THRB: variants seen among roughly 807,000 people sequenced by gnomAD.
THRB encodes the protein thyroid hormone receptor beta, also known as nuclear receptor subfamily 1 group A member 2.
A neutral mutation model predicts 47.8 loss-of-function variants in THRB; 12 were observed. The observed-to-expected ratio is 0.25, with a 90% confidence interval of 0.16 to 0.41. THRB has a LOEUF of 0.41. THRB is among the 10% of genes least tolerant of loss of function. The probability of loss-of-function intolerance (pLI) is 1.00; values close to 1 mark genes in which losing one functional copy is unlikely to be tolerated. For missense variants in THRB, 348 were observed against 589.2 expected (o/e 0.59, Z 4.24); for synonymous variants, 218 against 212.2 (o/e 1.03, Z -0.24).
chr3:24,468,676 G>A (rs1207932537), intron 1 of THRB, among the ~76,000 whole-genome samples: 3 of 152,152 alleles, frequency 2.0e-5, no homozygotes, highest in Non-Finnish European at 4.4e-5. Context: ...TTGTATGGGT[G>A]TCGTTTGTAC....
chr3:24,279,476 C>A (rs1274298047), intron 3 of THRB, among the ~76,000 whole-genome samples: 1 of 152,048 alleles, frequency 6.6e-6, no homozygotes, highest in Non-Finnish European at 1.5e-5. Context: ...GCTCCACCTC[C>A]CGGGTTCACG....
intron 1 of THRB, among the ~76,000 whole-genome samples, chr3:24,441,466 T>C (rs1012810027): frequency 5.3e-5 from 8 of 152,200 alleles, no homozygotes; most frequent in Non-Finnish European, 4.4e-5. Context: ...AGTTTGAATA[T>C]TATTCTGAAA....
In THRB at chr3:24,288,505, G is replaced by T. The variant is rs11915939; in HGVS notation, c.-43+8721C>A. 8.8e-3 allele frequency among the ~76,000 whole-genome samples: 1,335 copies of T among 151,910 alleles called. 16 individuals are homozygous for T. Among genetic ancestry groups the T allele is most frequent in the African/African-American group, 0.03 (1,227 of 41,406 alleles). On this transcript the variant is annotated intron_variant, in intron 3 of 10. Coordinates refer to ENST00000646209, the MANE Select transcript of THRB (RefSeq NM_001354712.2). ...TTTTTTAACCCCTTGTTATTTTTTG[G>T]CTGAGGCTGTCCTCCATTAATAGAT...
At chr3:24,357,777 T>C (rs1347091188) in intron 1 of THRB, among the ~76,000 whole-genome samples, 7 of 152,170 alleles carry the variant, frequency 4.6e-5, no homozygotes, top group Non-Finnish European at 8.8e-5. Flanking sequence ...TTGTACGCTG[T>C]TCTTTGAGAT....
At chr3:24,221,562 T>C (rs550421408) in intron 4 of THRB, among the ~76,000 whole-genome samples, 2 of 152,102 alleles carry the variant, frequency 1.3e-5, no homozygotes, top group East Asian at 1.9e-4. Flanking sequence ...ATGATTGTGG[T>C]TGGGGTATGA....
At chr3:24,476,017 A>G (rs975875307) in intron 1 of THRB, among the ~76,000 whole-genome samples, 2 of 152,274 alleles carry the variant, frequency 1.3e-5, no homozygotes, top group Non-Finnish European at 1.5e-5. Flanking sequence ...TGGGAAGCTC[A>G]GAAGAAGCTG....
chr3:24,319,105 A>T lies in THRB; in HGVS notation c.-189+18195T>A, dbSNP rs541397700. 3.9e-5 allele frequency among the ~76,000 whole-genome samples: 6 copies of T among 152,372 alleles called. No individual in the cohort carries two copies. In the South Asian group the frequency reaches 1.0e-3, roughly 26 times the overall value. On this transcript the variant is annotated intron_variant, in intron 2 of 10. Transcript: ENST00000646209. ...ACTAAAATTTAAAAAGACTAACATT[A>T]TCAAGTATTGTAGAAGATATGGAGC...
At chr3:24,263,548 T>C (rs1261673973) in intron 3 of THRB, among the ~76,000 whole-genome samples, 1 of 151,864 alleles carries the variant, frequency 6.6e-6, no homozygotes, top group African/African-American at 2.4e-5. Flanking sequence ...CAATTATTTT[T>C]GGAGATTATA....
At chr3:24,397,866 T>C (rs2067093605) in intron 1 of THRB, among the ~76,000 whole-genome samples, 1 of 152,046 alleles carries the variant, frequency 6.6e-6, no homozygotes, top group Non-Finnish European at 1.5e-5. Context: ...GGAGCTCATC[T>C]GGTCAGAACA....
chr3:24,434,934 T>C (rs1322811118), intron 1 of THRB, among the ~76,000 whole-genome samples: 1 of 152,158 alleles, frequency 6.6e-6, no homozygotes, highest in Non-Finnish European at 1.5e-5. Flanking sequence ...CATTCAGCAA[T>C]TAAAGAGACA....
rs186441874 is a variant in THRB, at chr3:24,396,864, G to A, written c.-260-59493C>T. Among the ~76,000 whole-genome samples the A allele has an allele frequency of 1.2e-3, 190 of 152,214 alleles. 1 individual carries two copies. The highest frequency in any genetic ancestry group is 7.7e-3 in the Admixed American group (117 of 15,266). On this transcript the variant is annotated intron_variant, in intron 1 of 10. Coordinates refer to ENST00000646209, the MANE Select transcript of THRB (RefSeq NM_001354712.2). Reference sequence around the variant, plus strand: ...GAAAATGCAATGCATTGGATACAACGAAAGTGGAAGCTGTGTCTAGTGCTT... The same window carrying A: ...GAAAATGCAATGCATTGGATACAACAAAAGTGGAAGCTGTGTCTAGTGCTT...
At position 24,120,915 on chromosome 3, in the gene THRB, T is replaced by TTAA. The variant is rs1163568082; in HGVS notation, c.*1966_*1968dup. 1 of 152,244 alleles carries TTAA rather than the reference T, an allele frequency of 6.6e-6. No individual in the cohort carries two copies. The highest frequency in any genetic ancestry group is 1.9e-4 in the East Asian group (1 of 5,208). The allele number at this position is 152,244 out of a possible 1,614,324, so 9.4% of individuals were successfully genotyped here. A position where few individuals can be genotyped will look rare whatever the true frequency, so the allele number is the denominator to read the frequency against. ...ACAATTGCTTTCATGCATTGAATATTTAATTCCCCGCTCCCAGATAATTTC... is the reference window on the plus strand; with the variant it reads ...ACAATTGCTTTCATGCATTGAATATTTAATAATTCCCCGCTCCCAGATAATTTC... On this transcript the variant is annotated 3_prime_UTR_variant, in exon 11 of 11. Transcript: ENST00000646209.
At chr3:24,491,320 C>A (rs1401688898) in intron 1 of THRB, among the ~76,000 whole-genome samples, 1 of 152,182 alleles carries the variant, frequency 6.6e-6, no homozygotes, top group Admixed American at 6.5e-5. Flanking sequence ...ACTCTAGACA[C>A]AAAAACAAAT....
intron 1 of THRB, among the ~76,000 whole-genome samples, chr3:24,471,706 C>T (rs1182432825): frequency 6.6e-6 from 1 of 152,170 alleles, no homozygotes; most frequent in Non-Finnish European, 1.5e-5. Flanking sequence ...CAGATCAACC[C>T]TCTCTAGTCT....
chr3:24,234,918 AG>A (rs1248234265), intron 3 of THRB, among the ~76,000 whole-genome samples: 5 of 152,282 alleles, frequency 3.3e-5, no homozygotes, highest in Admixed American at 1.3e-4. Context: ...GATGGTGAAG[AG>A]TCTTGAAAGA....
chr3:24,233,560 GAAGAAAGAAAGAAAGAAAGAAAGA>G (rs769459380), intron 3 of THRB, among the ~76,000 whole-genome samples: 3 of 77,302 alleles, frequency 3.9e-5, no homozygotes, highest in African/African-American at 9.5e-5. Context: ...AAAGAAAAAG[GAAGAAAGAAAGAAAGAAAGAAAGA>G]AAGAAAGAAA....
intron 2 of THRB, among the ~76,000 whole-genome samples, chr3:24,314,804 G>A (rs2058004452): frequency 2.0e-5 from 3 of 152,082 alleles, no homozygotes; most frequent in Non-Finnish European, 2.9e-5. Context: ...TATGGTACTC[G>A]AGGAAACTAA....
At chr3:24,375,360 ATAT>A in intron 1 of THRB, among the ~76,000 whole-genome samples, 1 of 139,568 alleles carries the variant, frequency 7.2e-6, no homozygotes, top group African/African-American at 2.7e-5. Flanking sequence ...TAATATTAAT[ATAT>A]TATATTTAGA....
At position 24,357,378 on chromosome 3, in the gene THRB, A is replaced by AAAAAAAC. The variant is rs1560011027; in HGVS notation, c.-260-20008_-260-20007insGTTTTTT. ...AAAAAAAAAAAAAAAAAAAAAACAA[A>AAAAAAAC]AAACAAACAAACAAAAAAACACCAA... On this transcript the variant is annotated intron_variant, in intron 1 of 10. Transcript: ENST00000646209. Among the ~76,000 whole-genome samples the AAAAAAAC allele has an allele frequency of 1.4e-3, 200 of 141,236 alleles. 7 individuals carry two copies. Among genetic ancestry groups the AAAAAAAC allele is most frequent in the African/African-American group, 5.5e-3 (186 of 33,676 alleles). The allele number at this position is 141,236 out of a possible 152,430, so 92.7% of individuals were successfully genotyped here. A position where few individuals can be genotyped will look rare whatever the true frequency, so the allele number is the denominator to read the frequency against.
Sources: gnomAD v4.1 joint callset for allele counts (sites outside exome capture counted in the v4.1 genomes callset) on GRCh38, gnomAD v4.1.1 for gene constraint, MANE v1.5 for transcripts, NCBI Gene and HGNC (gene_info 2026-07-23, HGNC 2026-07-21) for gene names.